DPP10: variants seen among roughly 807,000 people sequenced by gnomAD.
DPP10 encodes the protein dipeptidyl peptidase like 10.
Under a neutral mutation model 120.9 loss-of-function variants are expected in DPP10, and 33 were observed. The ratio of observed to expected loss-of-function variants is 0.27; its 90% confidence interval spans 0.21 to 0.37. The LOEUF is 0.37. DPP10 is among the 10% of genes least tolerant of loss of function. DPP10 has a pLI of 1.00. For missense variants in DPP10, 816 were observed against 942.8 expected, an observed-to-expected ratio of 0.87 and a Z score of 1.76; for synonymous variants, 337 against 326.1, an observed-to-expected ratio of 1.03 and a Z score of -0.36.
At chr2:115,461,351 GTAGATTTTGT>G (rs1253421315) in intron 3 of DPP10, among the ~76,000 whole-genome samples, 1 of 152,060 alleles carries the variant, frequency 6.6e-6, no homozygotes, top group Admixed American at 6.6e-5. Context: ...GTTAACATGG[GTAGATTTTGT>G]TATATGAAAA....
intron 5 of DPP10, among the ~76,000 whole-genome samples, chr2:115,550,483 A>G (rs2079807088): frequency 6.6e-6 from 1 of 152,150 alleles, no homozygotes; most frequent in African/African-American, 2.4e-5. Context: ...ATAGCACATT[A>G]TTTAAACAGA....
chr2:115,025,478 T>C (rs1258559182), intron 1 of DPP10, among the ~76,000 whole-genome samples: 1 of 152,156 alleles, frequency 6.6e-6, no homozygotes, highest in Non-Finnish European at 1.5e-5. Flanking sequence ...TACAGGTATC[T>C]CTTTGATAGA....
intron 1 of DPP10, among the ~76,000 whole-genome samples, chr2:114,890,228 A>T (rs1692428937): frequency 6.6e-6 from 1 of 152,218 alleles, no homozygotes; most frequent in Admixed American, 6.5e-5. Flanking sequence ...AATGAATTTG[A>T]GGCAGGAGCA....
chr2:114,652,867 T>G (rs1696692792), intron 1 of DPP10, among the ~76,000 whole-genome samples: 1 of 152,014 alleles, frequency 6.6e-6, no homozygotes. Flanking sequence ...AAAACCATCG[T>G]GCCCAGACAA....
chr2:114,870,286 A>G (rs1690581096), intron 1 of DPP10, among the ~76,000 whole-genome samples: 2 of 152,192 alleles, frequency 1.3e-5, no homozygotes, highest in African/African-American at 4.8e-5. Context: ...TGACCCTTTC[A>G]TAAGGTTTTT....
At chr2:115,470,943 A>G (rs1394323620) in intron 3 of DPP10, among the ~76,000 whole-genome samples, 2 of 152,176 alleles carry the variant, frequency 1.3e-5, no homozygotes, top group African/African-American at 4.8e-5. Flanking sequence ...GACAAAGAGA[A>G]CCTTTCCAGA....
At chr2:115,010,794 A>T (rs1417586449) in intron 1 of DPP10, among the ~76,000 whole-genome samples, 1 of 152,176 alleles carries the variant, frequency 6.6e-6, no homozygotes, top group Non-Finnish European at 1.5e-5. Flanking sequence ...TTTATTTTTC[A>T]CAGTCCCTCA....
At chr2:115,550,311 A>G (rs747252519) in intron 5 of DPP10, among the ~76,000 whole-genome samples, 1 of 152,162 alleles carries the variant, frequency 6.6e-6, no homozygotes, top group Non-Finnish European at 1.5e-5. Flanking sequence ...TGGCTAATGT[A>G]GCTGAGTTTT....
At chr2:115,600,919 C>G (rs1309979231) in intron 5 of DPP10, among the ~76,000 whole-genome samples, 2 of 152,182 alleles carry the variant, frequency 1.3e-5, no homozygotes, top group Non-Finnish European at 2.9e-5. Flanking sequence ...TCTTTCCCTC[C>G]TCCTCTTTGT....
intron 1 of DPP10, among the ~76,000 whole-genome samples, chr2:114,751,870 A>G: frequency 6.6e-6 from 1 of 152,208 alleles, no homozygotes; most frequent in East Asian, 1.9e-4. Flanking sequence ...AGTACTTTTT[A>G]AACTTTAATG....
intron 3 of DPP10, among the ~76,000 whole-genome samples, chr2:115,472,878 C>T (rs1303570791): frequency 2.0e-5 from 3 of 152,174 alleles, no homozygotes; most frequent in Non-Finnish European, 4.4e-5. Flanking sequence ...ATTCAAAACG[C>T]TTGACAAAAT....
At chr2:114,700,259 C>G (rs1479716835) in intron 1 of DPP10, among the ~76,000 whole-genome samples, 1 of 152,072 alleles carries the variant, frequency 6.6e-6, no homozygotes, top group Admixed American at 6.6e-5. Flanking sequence ...CCACCCTCCA[C>G]CTTCTCCTGC....
In DPP10 at chr2:115,279,655, CTTTTTTTTTTTT is replaced by C. The variant is rs70941039; in HGVS notation, c.61-29568_61-29557del. On this transcript the variant is annotated intron_variant, in intron 1 of 25. Transcript: ENST00000410059. ...TTTCTTTCTTTCTTTTTTTCTTCTT[CTTTTTTTTTTTT>C]TTTTTTTTTTTTTTTGGAGACAGGA... 4.9e-4 allele frequency among the ~76,000 whole-genome samples: 21 copies of C among 42,716 alleles called. 1 individual carries two copies. The highest frequency in any genetic ancestry group is 8.1e-4 in the East Asian group (1 of 1,230). The allele number at this position is 42,716 out of a possible 152,430, so 28.0% of individuals were successfully genotyped here.
At chr2:114,835,309 A>G (rs1426582707) in intron 1 of DPP10, 1 of 151,872 alleles carries the variant, frequency 6.6e-6, no homozygotes, top group African/African-American at 2.4e-5. Context: ...TATATAAGAC[A>G]TATCTACACA....
At chr2:114,726,551 A>G (rs1186943653) in intron 1 of DPP10, among the ~76,000 whole-genome samples, 1 of 152,200 alleles carries the variant, frequency 6.6e-6, no homozygotes, top group Non-Finnish European at 1.5e-5. Flanking sequence ...AATCATATTC[A>G]TTTTTGCACT....
intron 1 of DPP10, among the ~76,000 whole-genome samples, chr2:114,712,184 A>AT (rs1013265060): frequency 2.0e-5 from 3 of 151,962 alleles, no homozygotes; most frequent in African/African-American, 7.3e-5. Flanking sequence ...GCTGGGCGTG[A>AT]TGGTGCATGC....
At chr2:114,568,022 T>TA (rs1055934233) in intron 1 of DPP10, among the ~76,000 whole-genome samples, 25 of 110,872 alleles carry the variant, frequency 2.3e-4, no homozygotes, top group African/African-American at 5.5e-4. Flanking sequence ...AACTTAAAAT[T>TA]AAAAAAAAAG....
chr2:114,806,253 G>A (rs1471449770), intron 1 of DPP10, among the ~76,000 whole-genome samples: 1 of 152,046 alleles, frequency 6.6e-6, no homozygotes, highest in Non-Finnish European at 1.5e-5. Flanking sequence ...TATTTTACAG[G>A]CTGATTTGAT....
At chr2:115,455,520 G>A (rs2073455652) in intron 3 of DPP10, among the ~76,000 whole-genome samples, 1 of 151,982 alleles carries the variant, frequency 6.6e-6, no homozygotes. Flanking sequence ...ACAATCCTAA[G>A]CAAAAAGAAC....
Sources: gnomAD v4.1 joint callset for allele counts (sites outside exome capture counted in the v4.1 genomes callset) on GRCh38, gnomAD v4.1.1 for gene constraint, MANE v1.5 for transcripts, NCBI Gene and HGNC (gene_info 2026-07-23, HGNC 2026-07-21) for gene names.